Variants in SCFD2 observed in about 807,000 individuals in gnomAD.
SCFD2 encodes sec1 family domain-containing protein 2.
A neutral mutation model predicts 58.9 loss-of-function variants in SCFD2; 54 were observed. The observed-to-expected ratio is 0.92, with a 90% confidence interval of 0.74 to 1.15. SCFD2 has a LOEUF of 1.15. SCFD2 is among the 50% of genes most tolerant of loss of function. The pLI is 0.00. For missense variants in SCFD2, 805 were observed against 836.6 expected, an observed-to-expected ratio of 0.96 and a Z score of 0.47; for synonymous variants, 321 against 335.9, an observed-to-expected ratio of 0.96 and a Z score of 0.49.
chr4:52,880,608 C>T (rs1200052307), intron 8 of SCFD2, among the ~76,000 whole-genome samples: 1 of 124,088 alleles, frequency 8.1e-6, no homozygotes. Context: ...CAGAGTGAGA[C>T]CCTGTCTCAA....
rs189888595 is a variant in SCFD2, at chr4:53,052,825, C to G, written c.1561+92508G>C. Among the ~76,000 whole-genome samples the G allele has an allele frequency of 6.0e-4, 91 of 152,198 alleles. 1 individual carries two copies. In the East Asian group the frequency reaches 0.015, roughly 26 times the overall value. On this transcript the variant is annotated intron_variant, in intron 5 of 8. Coordinates refer to ENST00000401642, the MANE Select transcript of SCFD2 (RefSeq NM_152540.4). ...TACTACACAACAAACAAAGCTACTG[C>G]GACATGCAACAACATGATGGATCTG...
chr4:53,171,503 G>A (rs1326947631), intron 4 of SCFD2, among the ~76,000 whole-genome samples: 1 of 152,004 alleles, frequency 6.6e-6, no homozygotes. Flanking sequence ...TCCTTCTCTG[G>A]CTTTGGTACC....
chr4:53,116,258 C>T (rs182014869), intron 5 of SCFD2, among the ~76,000 whole-genome samples: 245 of 152,256 alleles, frequency 1.6e-3, no homozygotes, highest in African/African-American at 5.6e-3. Flanking sequence ...AACAAAAATT[C>T]TCTCTCACAT....
At chr4:53,364,954 C>T in intron 1 of SCFD2, 150 bp downstream of exon 1, 1 of 908,134 alleles carries the variant, frequency 1.1e-6, no homozygotes. Context: ...AGACAATAAA[C>T]TCTGTGAGAT....
intron 5 of SCFD2, among the ~76,000 whole-genome samples, chr4:53,042,541 G>C (rs1722925567): frequency 1.3e-5 from 2 of 152,100 alleles, no homozygotes; most frequent in African/African-American, 4.8e-5. Context: ...GAACTTTAAG[G>C]CTGGATCTAA....
chr4:53,038,749 T>G (rs1722825128), intron 5 of SCFD2, among the ~76,000 whole-genome samples: 1 of 151,928 alleles, frequency 6.6e-6, no homozygotes, highest in Admixed American at 6.6e-5. Flanking sequence ...AATACAGTGG[T>G]GTGATCACAT....
chr4:53,000,859 C>T (rs773700312), intron 5 of SCFD2, among the ~76,000 whole-genome samples: 2 of 152,212 alleles, frequency 1.3e-5, no homozygotes, highest in Non-Finnish European at 2.9e-5. Context: ...TTGCCTACCA[C>T]TCACTTCCTG....
rs965975311 is a variant in SCFD2 at position 53,331,510 on chromosome 4, G to A, written c.1008-17747C>T. Among the ~76,000 whole-genome samples the A allele has an allele frequency of 1.1e-3, 167 of 152,230 alleles. 1 individual carries two copies. The highest frequency in any genetic ancestry group is 3.6e-3 in the African/African-American group (148 of 41,538). ...CCTGAATGACTACTGGATACATAAC[G>A]AAATGAAGGCAGCAATAAAGATGTT... On this transcript the variant is annotated intron_variant, in intron 2 of 8. Transcript: ENST00000401642.
intron 5 of SCFD2, among the ~76,000 whole-genome samples, chr4:53,117,939 T>C (rs1725371667): frequency 6.6e-6 from 1 of 152,312 alleles, no homozygotes; most frequent in South Asian, 2.1e-4. Flanking sequence ...GGTCTTTTCA[T>C]GGAAAAATCT....
At chr4:53,107,586 G>T (rs1039208532) in intron 5 of SCFD2, among the ~76,000 whole-genome samples, 2 of 152,070 alleles carry the variant, frequency 1.3e-5, no homozygotes, top group Admixed American at 1.3e-4. Flanking sequence ...CCTAGTCCCC[G>T]ATTAAACAGA....
chr4:53,116,971 G>GAA (rs2148889053), intron 5 of SCFD2, among the ~76,000 whole-genome samples: 1 of 152,260 alleles, frequency 6.6e-6, no homozygotes, highest in South Asian at 2.1e-4. Context: ...AGCTGATGAA[G>GAA]AAAGAAAACC....
intron 3 of SCFD2, among the ~76,000 whole-genome samples, chr4:53,306,482 AAAT>A (rs1732518447): frequency 1.3e-5 from 2 of 152,302 alleles, no homozygotes; most frequent in South Asian, 4.1e-4. Flanking sequence ...TTGTAAATAG[AAAT>A]AATAATTATT....
intron 2 of SCFD2, among the ~76,000 whole-genome samples, chr4:53,323,375 TTTG>T (rs1374128217): frequency 1.3e-5 from 2 of 152,114 alleles, no homozygotes; most frequent in East Asian, 1.9e-4. Flanking sequence ...GTAGTTCTTT[TTTG>T]TTGTTGTTTT....
At chr4:53,156,421 A>G (rs28458206) in intron 4 of SCFD2, among the ~76,000 whole-genome samples, 35,319 of 147,360 alleles carry the variant, frequency 0.24, 4,477 homozygotes, top group Non-Finnish European at 0.29. Context: ...AAAAGAAAAG[A>G]AAAAAGAGCT....
At chr4:52,999,993 A>G (rs761966792) in intron 5 of SCFD2, among the ~76,000 whole-genome samples, 1 of 152,212 alleles carries the variant, frequency 6.6e-6, no homozygotes, top group African/African-American at 2.4e-5. Context: ...TGTTCCACAC[A>G]AGCCAGGGAG....
intron 6 of SCFD2, among the ~76,000 whole-genome samples, chr4:52,911,702 A>G (rs1196190341): frequency 6.6e-6 from 1 of 152,212 alleles, no homozygotes; most frequent in African/African-American, 2.4e-5. Context: ...CTCTCTGATT[A>G]TCTTTTCATA....
chr4:53,281,258 T>C (rs1452966538), intron 3 of SCFD2, among the ~76,000 whole-genome samples: 2 of 152,256 alleles, frequency 1.3e-5, no homozygotes, highest in Non-Finnish European at 2.9e-5. Flanking sequence ...AATATTTTTA[T>C]CAAGAGTTTT....
intron 5 of SCFD2, among the ~76,000 whole-genome samples, chr4:53,117,561 A>G (rs1185896721): frequency 1.3e-5 from 2 of 152,170 alleles, no homozygotes; most frequent in African/African-American, 4.8e-5. Context: ...CAAGCACCTA[A>G]TATGTCTTCC....
chr4:53,173,896 G>T (rs1288824695), intron 4 of SCFD2, among the ~76,000 whole-genome samples: 1 of 152,040 alleles, frequency 6.6e-6, no homozygotes. Context: ...TCATACAGCA[G>T]ATTCAGATCT....
Sources: gnomAD v4.1 joint callset for allele counts (sites outside exome capture counted in the v4.1 genomes callset) on GRCh38, gnomAD v4.1.1 for gene constraint, MANE v1.5 for transcripts, NCBI Gene and HGNC (gene_info 2026-07-23, HGNC 2026-07-21) for gene names.